The following PTPRD variants were observed in gnomAD, a reference collection of about 807,000 sequenced individuals.
PTPRD encodes receptor-type tyrosine-protein phosphatase delta.
PTPRD carries 34 observed loss-of-function variants against 214.5 expected under a neutral mutation model. The observed-to-expected ratio is 0.16, with a 90% CI of 0.12 to 0.21. PTPRD has a LOEUF of 0.21. Ranked by LOEUF, PTPRD falls within the 10% of genes least tolerant of loss-of-function variation. The pLI, the probability that PTPRD is intolerant of heterozygous loss-of-function variation, is 1.00. For missense variants in PTPRD, 2,545 were observed against 2,398.7 expected (o/e 1.06, Z -1.27); for synonymous variants, 1,128 against 845.7 (o/e 1.33, Z -5.79).
At chr9:9,970,429 C>CAAAAAA (rs35445219) in intron 4 of PTPRD, among the ~76,000 whole-genome samples, 5 of 92,084 alleles carry the variant, frequency 5.4e-5, no homozygotes, top group Non-Finnish European at 7.1e-5. Flanking sequence ...GACTCCTTCT[C>CAAAAAA]AAAAAAAAAA....
At chr9:9,289,121 G>C (rs1177727077) in intron 9 of PTPRD, among the ~76,000 whole-genome samples, 2 of 151,786 alleles carry the variant, frequency 1.3e-5, no homozygotes, top group Non-Finnish European at 2.9e-5. Context: ...ACATGGGCTA[G>C]CAAATAGTTA....
chr9:8,686,431 A>G (rs936193216), intron 12 of PTPRD, among the ~76,000 whole-genome samples: 1 of 152,184 alleles, frequency 6.6e-6, no homozygotes, highest in Non-Finnish European at 1.5e-5. Context: ...ACACAGAGCC[A>G]TGTCACGAAG....
rs1355123775 is a variant in PTPRD at position 8,331,218 on chromosome 9, CAGAAG to C, written c.5534+359_5534+363del. ...TAGCTATTCATGAGGTTTTCACAAA[CAGAAG>C]AAAGACAGTTATCAGTGCATTGCTA... On this transcript the variant is annotated intron_variant, in intron 44 of 45. Coordinates refer to ENST00000381196, the MANE Select transcript of PTPRD (RefSeq NM_002839.4). Among the ~76,000 whole-genome samples, 6 of 149,090 alleles carry C rather than the reference CAGAAG, an allele frequency of 4.0e-5. No individual in the cohort carries two copies. The South Asian group carries it at 1.2e-3, about 31-fold the overall frequency.
intron 8 of PTPRD, among the ~76,000 whole-genome samples, chr9:9,521,671 C>T (rs973199896): frequency 5.9e-5 from 9 of 151,764 alleles, no homozygotes; most frequent in Non-Finnish European, 1.2e-4. Flanking sequence ...CCCTATGCCT[C>T]GTAAATGACA....
rs2154208008 is a variant in PTPRD, at chr9:8,871,497, A to G, written c.-103-137551T>C. On this transcript the variant is annotated intron_variant, in intron 11 of 45. Transcript: ENST00000381196. ...CTGTGGGAAATTTTATGGTAGAGTT[A>G]GACTTCAGCAGACTTTATAATTTGC... Among the ~76,000 whole-genome samples the G allele has an allele frequency of 2.0e-5, 3 of 152,264 alleles. No homozygotes were observed. In the Middle Eastern group the frequency reaches 0.01, roughly 518 times the overall value.
chr9:10,479,401 C>T (rs1170849281), intron 2 of PTPRD, among the ~76,000 whole-genome samples: 1 of 151,894 alleles, frequency 6.6e-6, no homozygotes, highest in East Asian at 1.9e-4. Flanking sequence ...TTTGAAAGCC[C>T]CTAGTGGTGG....
chr9:9,381,922 T>C (rs1007096276), intron 9 of PTPRD, among the ~76,000 whole-genome samples: 3 of 151,804 alleles, frequency 2.0e-5, no homozygotes, highest in East Asian at 1.9e-4. Context: ...AAAAAAATCA[T>C]TGGGGTTTTA....
chr9:9,356,015 T>G (rs2138626698), intron 9 of PTPRD, among the ~76,000 whole-genome samples: 1 of 151,432 alleles, frequency 6.6e-6, no homozygotes, highest in Admixed American at 6.6e-5. Context: ...TTAGCAATAT[T>G]GAGGGGATTG....
intron 8 of PTPRD, among the ~76,000 whole-genome samples, chr9:9,418,740 C>T (rs1025588030): frequency 6.6e-6 from 1 of 151,912 alleles, no homozygotes; most frequent in African/African-American, 2.4e-5. Flanking sequence ...ATGGATTAGA[C>T]ATAGTCTTTG....
At chr9:10,119,834 G>C (rs1219773428) in intron 3 of PTPRD, among the ~76,000 whole-genome samples, 1 of 151,988 alleles carries the variant, frequency 6.6e-6, no homozygotes, top group African/African-American at 2.4e-5. Flanking sequence ...ATAGCTCCGA[G>C]ATAATGAGAG....
At chr9:10,237,284 T>TA (rs1238848204) in intron 3 of PTPRD, among the ~76,000 whole-genome samples, 2 of 151,952 alleles carry the variant, frequency 1.3e-5, no homozygotes, top group African/African-American at 4.8e-5. Flanking sequence ...CAATTATTTT[T>TA]AAACATAGAA....
chr9:8,528,567 G>A (rs1324748547), intron 15 of PTPRD, 24 bp downstream of exon 15: 1 of 1,604,572 alleles, frequency 6.2e-7, no homozygotes, highest in East Asian at 2.2e-5. Flanking sequence ...CTAGGAGTTA[G>A]TAGAAACAGT....
intron 11 of PTPRD, among the ~76,000 whole-genome samples, chr9:8,761,839 G>C (rs1337835784): frequency 6.6e-6 from 1 of 152,136 alleles, no homozygotes. Flanking sequence ...AGGAAGATGA[G>C]ATTACAGTTT....
At chr9:10,169,570 G>A (rs1053439922) in intron 3 of PTPRD, among the ~76,000 whole-genome samples, 2 of 150,158 alleles carry the variant, frequency 1.3e-5, no homozygotes, top group African/African-American at 2.5e-5. Flanking sequence ...CAATTCTAAA[G>A]TGAAAAAATT....
intron 6 of PTPRD, among the ~76,000 whole-genome samples, chr9:9,755,707 T>C (rs2098562756): frequency 6.6e-6 from 1 of 152,042 alleles, no homozygotes; most frequent in Non-Finnish European, 1.5e-5. Context: ...TATAAAAGAA[T>C]ACAAAGGCAA....
chr9:10,554,423 C>G (rs2062013599), intron 2 of PTPRD, among the ~76,000 whole-genome samples: 1 of 152,042 alleles, frequency 6.6e-6, no homozygotes, highest in South Asian at 2.1e-4. Flanking sequence ...TTAAAACATA[C>G]TTAGAAACTT....
chr9:9,789,229 G>T (rs1187298153), intron 5 of PTPRD, among the ~76,000 whole-genome samples: 1 of 152,222 alleles, frequency 6.6e-6, no homozygotes, highest in East Asian at 1.9e-4. Context: ...TCTAACTTTG[G>T]TGGAGAAAGC....
chr9:10,036,631 C>A (rs779438337), intron 3 of PTPRD, among the ~76,000 whole-genome samples: 3 of 151,952 alleles, frequency 2.0e-5, no homozygotes, highest in African/African-American at 4.8e-5. Flanking sequence ...TGTCACCAGG[C>A]TGGAGTGCAG....
At chr9:10,401,721 A>T (rs2098272846) in intron 2 of PTPRD, among the ~76,000 whole-genome samples, 1 of 150,396 alleles carries the variant, frequency 6.6e-6, no homozygotes, top group Non-Finnish European at 1.5e-5. Context: ...AAAAATAATT[A>T]TCATCTAGAA....
Sources: allele counts gnomAD v4.1 joint callset (sites outside exome capture counted in the v4.1 genomes callset), GRCh38; gene constraint gnomAD v4.1.1; transcripts MANE v1.5; gene names NCBI Gene and HGNC (gene_info 2026-07-23, HGNC 2026-07-21).